Variants in DACH1 observed in about 807,000 individuals in gnomAD.
DACH1 encodes the protein dachshund homolog 1.
DACH1 carries 12 observed loss-of-function variants against 54.2 expected under a neutral mutation model. The observed-to-expected ratio is 0.22, with a 90% confidence interval of 0.14 to 0.36. The LOEUF is 0.36. Among genes scored for constraint, DACH1 ranks in the 10% least tolerant of loss-of-function variants. The pLI, the probability that DACH1 is intolerant of heterozygous loss-of-function variation, is 1.00. For missense variants in DACH1, 805 were observed against 929.8 expected (o/e 0.87, Z 1.75); for synonymous variants, 386 against 366.2 (o/e 1.05, Z -0.62).
chr13:71,572,582 A>C (rs778350692), intron 4 of DACH1, among the ~76,000 whole-genome samples: 3 of 152,172 alleles, frequency 2.0e-5, no homozygotes, highest in Non-Finnish European at 4.4e-5. Flanking sequence ...ATGTAAGAAC[A>C]CACACAATTT....
At chr13:71,532,648 T>C (rs1882490218) in intron 6 of DACH1, among the ~76,000 whole-genome samples, 1 of 151,928 alleles carries the variant, frequency 6.6e-6, no homozygotes, top group African/African-American at 2.4e-5. Flanking sequence ...TGGTACCTAG[T>C]AGGCTTTCAG....
At chr13:71,564,715 C>T (rs991762453) in intron 4 of DACH1, among the ~76,000 whole-genome samples, 1 of 151,972 alleles carries the variant, frequency 6.6e-6, no homozygotes, top group African/African-American at 2.4e-5. Flanking sequence ...CTCTCTGCAC[C>T]TTAAAAATGT....
rs138733493 is a variant in DACH1 at position 71,677,164 on chromosome 13, A to G, written c.964+4631T>C. 2.0e-4 allele frequency among the ~76,000 whole-genome samples: 31 copies of G among 152,332 alleles called. 1 individual carries two copies. In the South Asian group the frequency reaches 3.1e-3, roughly 15 times the overall value. On this transcript the variant is annotated intron_variant, in intron 2 of 10. Transcript: ENST00000613252. ...CCTAAATAACCCCTTTCTTAATTTTAAATAGACGTCATCTTATAAAAAGTA... is the reference window on the plus strand; with the variant it reads ...CCTAAATAACCCCTTTCTTAATTTTGAATAGACGTCATCTTATAAAAAGTA...
chr13:71,574,232 G>T (rs1236892189), intron 3 of DACH1, among the ~76,000 whole-genome samples: 4 of 152,050 alleles, frequency 2.6e-5, no homozygotes, highest in Non-Finnish European at 5.9e-5. Flanking sequence ...AAAAGATCAT[G>T]AAATACCTTA....
intron 1 of DACH1, among the ~76,000 whole-genome samples, chr13:71,714,758 T>C (rs1018566346): frequency 6.6e-6 from 1 of 152,084 alleles, no homozygotes; most frequent in African/African-American, 2.4e-5. Context: ...AACCTATCAA[T>C]GTTTAGAATA....
At chr13:71,708,034 G>A (rs955673048) in intron 1 of DACH1, among the ~76,000 whole-genome samples, 1 of 150,760 alleles carries the variant, frequency 6.6e-6, no homozygotes, top group African/African-American at 2.4e-5. Context: ...CCAAAGGCTA[G>A]TAATCACCTA....
intron 1 of DACH1, among the ~76,000 whole-genome samples, chr13:71,811,119 A>G (rs1887692919): frequency 6.6e-6 from 1 of 152,108 alleles, no homozygotes; most frequent in Non-Finnish European, 1.5e-5. Flanking sequence ...ATCTGATTAT[A>G]TTTGGCAAGT....
chr13:71,716,580 C>T (rs74753187), intron 1 of DACH1, among the ~76,000 whole-genome samples: 2,121 of 152,168 alleles, frequency 0.014, 33 homozygotes, highest in African/African-American at 0.035. Context: ...CCTAATCTTC[C>T]CAAGTGCTCA....
At chr13:71,756,155 CG>C (rs1555319071) in intron 1 of DACH1, among the ~76,000 whole-genome samples, 1 of 152,012 alleles carries the variant, frequency 6.6e-6, no homozygotes, top group Non-Finnish European at 1.5e-5. Context: ...CTCAGTCTCC[CG>C]AGTACCTGGG....
At chr13:71,675,382 G>A in intron 2 of DACH1, 3 of 1,478,428 alleles carry the variant, frequency 2.0e-6, no homozygotes, top group South Asian at 2.3e-5. Flanking sequence ...CCTTTTTGAA[G>A]ACACCAACCT....
chr13:71,603,798 A>G (rs1479427969), intron 3 of DACH1, among the ~76,000 whole-genome samples: 1 of 151,942 alleles, frequency 6.6e-6, no homozygotes, highest in Non-Finnish European at 1.5e-5. Context: ...TTATGCTTTA[A>G]TTAACCTAAA....
chr13:71,473,993 A>G lies in DACH1; in HGVS notation c.2083+1148T>C, dbSNP rs114346595. On this transcript the variant is annotated intron_variant, in intron 10 of 10. Coordinates refer to ENST00000613252, the MANE Select transcript of DACH1 (RefSeq NM_080759.6). The stretch of plus-strand genomic sequence containing the variant: ...ATATACATACAAACACATACACAAT[A>G]TAATTGTGCTGAAATCCATAGTACT... 1.7e-3 allele frequency among the ~76,000 whole-genome samples: 264 copies of G among 152,344 alleles called. 1 individual carries two copies. Among genetic ancestry groups the G allele is most frequent in the African/African-American group, 6.2e-3 (256 of 41,588 alleles).
At chr13:71,453,194 C>A (rs766466371) in intron 10 of DACH1, among the ~76,000 whole-genome samples, 7 of 152,118 alleles carry the variant, frequency 4.6e-5, no homozygotes, top group Non-Finnish European at 1.0e-4. Flanking sequence ...ACAAAGAAAT[C>A]TCTTATTACT....
At chr13:71,668,895 A>G (rs1436052866) in intron 2 of DACH1, among the ~76,000 whole-genome samples, 1 of 152,174 alleles carries the variant, frequency 6.6e-6, no homozygotes, top group Non-Finnish European at 1.5e-5. Flanking sequence ...ACTGCACTCC[A>G]GCCTGTACAA....
At chr13:71,773,181 T>C (rs1304967065) in intron 1 of DACH1, among the ~76,000 whole-genome samples, 4 of 151,910 alleles carry the variant, frequency 2.6e-5, no homozygotes, top group Non-Finnish European at 5.9e-5. Flanking sequence ...ATGTAACATC[T>C]GAAAACCTAT....
chr13:71,865,884 AG>A, intron 1 of DACH1, 37 bp downstream of exon 1: 1 of 1,543,092 alleles, frequency 6.5e-7, no homozygotes, highest in Non-Finnish European at 8.7e-7. Flanking sequence ...GCTGGTGGGA[AG>A]GGGCGCGGGC....
chr13:71,786,036 C>A (rs1258036136), intron 1 of DACH1, among the ~76,000 whole-genome samples: 2 of 152,014 alleles, frequency 1.3e-5, no homozygotes, highest in African/African-American at 2.4e-5. Context: ...TAAAAGGAGG[C>A]TGCAAGAGAA....
intron 1 of DACH1, among the ~76,000 whole-genome samples, chr13:71,864,215 A>ACACAC (rs1555330494): frequency 7.4e-5 from 5 of 67,474 alleles, no homozygotes; most frequent in African/African-American, 2.0e-4. Flanking sequence ...ACACACACAC[A>ACACAC]ACATTTACCC....
intron 3 of DACH1, among the ~76,000 whole-genome samples, chr13:71,628,831 T>C (rs1005226479): frequency 5.3e-5 from 8 of 152,122 alleles, no homozygotes; most frequent in Admixed American, 6.6e-5. Context: ...TGTTGATTTC[T>C]GCAAAGCCAA....
Sources: gnomAD v4.1 joint callset for allele counts (sites outside exome capture counted in the v4.1 genomes callset) on GRCh38, gnomAD v4.1.1 for gene constraint, MANE v1.5 for transcripts, NCBI Gene and HGNC (gene_info 2026-07-23, HGNC 2026-07-21) for gene names.